The following GALNTL6 variants were observed in gnomAD, a reference collection of about 807,000 sequenced individuals.
The protein encoded by GALNTL6 is polypeptide N-acetylgalactosaminyltransferase-like 6.
Under a neutral mutation model 73.7 loss-of-function variants are expected in GALNTL6, and 46 were observed. The observed-to-expected ratio is 0.62, with a 90% CI of 0.49 to 0.80. The LOEUF (loss-of-function observed/expected upper bound fraction) is 0.80. Ranked by LOEUF, GALNTL6 falls within the 30% of genes least tolerant of loss-of-function variation. The pLI is 0.00. For synonymous variants in GALNTL6, 259 were observed against 263.7 expected (o/e 0.98, Z 0.17); for missense variants, 604 against 755.0 (o/e 0.80, Z 2.34).
chr4:171,846,385 A>G (rs942736772), intron 2 of GALNTL6, among the ~76,000 whole-genome samples: 2 of 152,124 alleles, frequency 1.3e-5, no homozygotes, highest in African/African-American at 4.8e-5. Flanking sequence ...ACATACAATC[A>G]TGGCCATACC....
chr4:172,846,683 G>A (rs1389306766), intron 7 of GALNTL6, among the ~76,000 whole-genome samples: 1 of 152,142 alleles, frequency 6.6e-6, no homozygotes, highest in Non-Finnish European at 1.5e-5. Flanking sequence ...CCTTTCATTT[G>A]TGAAGAATGA....
At chr4:172,139,146 G>T (rs898235718) in intron 2 of GALNTL6, among the ~76,000 whole-genome samples, 5 of 152,054 alleles carry the variant, frequency 3.3e-5, no homozygotes, top group African/African-American at 1.2e-4. Flanking sequence ...ACCTTATTGA[G>T]CAAGTGGAGA....
chr4:172,000,987 T>G (rs1207795233), intron 2 of GALNTL6, among the ~76,000 whole-genome samples: 2 of 152,156 alleles, frequency 1.3e-5, no homozygotes, highest in Admixed American at 1.3e-4. Flanking sequence ...GAAAGATATG[T>G]TCTACCTGCT....
chr4:172,605,885 A>G (rs1738237572), intron 5 of GALNTL6, among the ~76,000 whole-genome samples: 1 of 152,166 alleles, frequency 6.6e-6, no homozygotes, highest in Admixed American at 6.6e-5. Flanking sequence ...GGGATCCTGC[A>G]AATAGGATAC....
At chr4:171,918,971 CA>C (rs1737705345) in intron 2 of GALNTL6, among the ~76,000 whole-genome samples, 1 of 151,914 alleles carries the variant, frequency 6.6e-6, no homozygotes, top group Non-Finnish European at 1.5e-5. Context: ...ATAGTAGTAC[CA>C]GGGGCTGTGG....
intron 2 of GALNTL6, among the ~76,000 whole-genome samples, chr4:172,125,839 A>G (rs1733279919): frequency 7.2e-6 from 1 of 139,062 alleles, no homozygotes; most frequent in Admixed American, 7.3e-5. Context: ...CCTCTCCATC[A>G]TGTTTCTACT....
intron 2 of GALNTL6, among the ~76,000 whole-genome samples, chr4:172,032,561 C>T (rs1285799979): frequency 6.6e-6 from 1 of 151,928 alleles, no homozygotes; most frequent in African/African-American, 2.4e-5. Flanking sequence ...CAAAATTTGT[C>T]TGTATAAACA....
At chr4:172,088,271 C>A (rs1455705223) in intron 2 of GALNTL6, among the ~76,000 whole-genome samples, 1 of 152,156 alleles carries the variant, frequency 6.6e-6, no homozygotes, top group East Asian at 1.9e-4. Context: ...TATGCTTTCA[C>A]TATTACTCTA....
chr4:172,976,740 G>A (rs889675584), intron 10 of GALNTL6, among the ~76,000 whole-genome samples: 1 of 152,200 alleles, frequency 6.6e-6, no homozygotes, highest in African/African-American at 2.4e-5. Context: ...GAAAGTTTGA[G>A]AGACAGCAGC....
chr4:172,177,755 G>GTGTATATATGTACACATATATATACACA (rs1554000036), intron 2 of GALNTL6, among the ~76,000 whole-genome samples: 3 of 54,830 alleles, frequency 5.5e-5, no homozygotes, highest in African/African-American at 1.4e-4. Flanking sequence ...GTATATATAT[G>GTGTATATATGTACACATATATATACACA]TGTGTATATA....
intron 5 of GALNTL6, among the ~76,000 whole-genome samples, chr4:172,589,227 T>C (rs1737543770): frequency 6.6e-6 from 1 of 152,150 alleles, no homozygotes; most frequent in African/African-American, 2.4e-5. Flanking sequence ...TTCTTAATCA[T>C]CAAGACTAGA....
chr4:172,062,065 G>A (rs576126024), intron 2 of GALNTL6, among the ~76,000 whole-genome samples: 4 of 149,026 alleles, frequency 2.7e-5, no homozygotes, highest in East Asian at 4.0e-4. Context: ...TTCTCCTGCC[G>A]CAGCCTCCTG....
intron 5 of GALNTL6, among the ~76,000 whole-genome samples, chr4:172,642,186 TA>T (rs541610913): frequency 5.3e-5 from 8 of 151,694 alleles, no homozygotes; most frequent in South Asian, 2.1e-4. Flanking sequence ...AAAAAATTTT[TA>T]AAAAAAACTA....
intron 2 of GALNTL6, among the ~76,000 whole-genome samples, chr4:171,974,784 C>CTAA (rs1739671360): frequency 6.6e-6 from 1 of 152,028 alleles, no homozygotes; most frequent in Admixed American, 6.6e-5. Context: ...TTGCAATAGC[C>CTAA]TAATGAAAGA....
At chr4:171,941,774 T>A (rs1278369650) in intron 2 of GALNTL6, among the ~76,000 whole-genome samples, 3 of 152,182 alleles carry the variant, frequency 2.0e-5, no homozygotes, top group African/African-American at 4.8e-5. Flanking sequence ...AGAATTTTTT[T>A]CAGTTGGAGA....
chr4:171,968,916 A>C (rs2111060761), intron 2 of GALNTL6, among the ~76,000 whole-genome samples: 1 of 149,246 alleles, frequency 6.7e-6, no homozygotes, highest in Admixed American at 6.7e-5. Flanking sequence ...GGCTCACTGC[A>C]ACCTCTGCCT....
At chr4:172,649,224 C>T (rs77343092) in intron 5 of GALNTL6, among the ~76,000 whole-genome samples, 4,057 of 152,198 alleles carry the variant, frequency 0.027, 65 homozygotes, top group South Asian at 0.065. Flanking sequence ...ATACATTAGC[C>T]TGAAGCAACC....
chr4:172,694,936 G>A (rs939468517), intron 5 of GALNTL6, among the ~76,000 whole-genome samples: 3 of 152,110 alleles, frequency 2.0e-5, no homozygotes, highest in Non-Finnish European at 4.4e-5. Flanking sequence ...AATTGCTTTT[G>A]GAAATACTAT....
intron 5 of GALNTL6, among the ~76,000 whole-genome samples, chr4:172,520,717 G>A (rs1340976416): frequency 6.6e-6 from 1 of 151,752 alleles, no homozygotes; most frequent in Non-Finnish European, 1.5e-5. Context: ...AAGTATTTTG[G>A]TGGCTAAATG....
Sources: gnomAD v4.1 joint callset for allele counts (sites outside exome capture counted in the v4.1 genomes callset) on GRCh38, gnomAD v4.1.1 for gene constraint, MANE v1.5 for transcripts, NCBI Gene and HGNC (gene_info 2026-07-23, HGNC 2026-07-21) for gene names.